The following PLD5 variants were observed in gnomAD, a reference collection of about 807,000 sequenced individuals.
The protein encoded by PLD5 is phospholipase D family member 5.
A neutral mutation model predicts 61.1 loss-of-function variants in PLD5; 36 were observed. The ratio of observed to expected loss-of-function variants is 0.59; its 90% CI spans 0.45 to 0.78. PLD5 has a LOEUF of 0.78. Among genes scored for constraint, PLD5 ranks in the 30% least tolerant of loss-of-function variants. PLD5 has a pLI of 0.00. For missense variants in PLD5, 515 were observed against 644.4 expected (o/e 0.80, Z 2.17); for synonymous variants, 243 against 242.8 (o/e 1.00, Z -0.01).
chr1:242,347,445 G>A (rs1258801220), intron 2 of PLD5, among the ~76,000 whole-genome samples: 2 of 151,914 alleles, frequency 1.3e-5, no homozygotes, highest in South Asian at 2.1e-4. Flanking sequence ...CACCCTCCCC[G>A]AACCTGAAAA....
intron 5 of PLD5, among the ~76,000 whole-genome samples, chr1:242,155,326 G>A (rs1371685997): frequency 6.6e-6 from 1 of 152,122 alleles, no homozygotes; most frequent in Non-Finnish European, 1.5e-5. Context: ...TTTATTTGAA[G>A]AGTTTTTCGT....
rs530944918 is a variant in PLD5, at chr1:242,163,289, G to A, written c.736-38624C>T. On this transcript the variant is annotated intron_variant, in intron 5 of 9. Transcript: ENST00000536534. ...CTCCCGAGTAGCTGGGACTACAGGC[G>A]CCCGCCACCACGCCCGGCTAATTTT... Among the ~76,000 whole-genome samples, 1,160 of 151,878 alleles carry A rather than the reference G, an allele frequency of 7.6e-3. 14 individuals are homozygous for A. The highest frequency in any genetic ancestry group is 0.023 in the African/African-American group (939 of 41,354).
intron 1 of PLD5, among the ~76,000 whole-genome samples, chr1:242,520,853 C>T (rs1010022485): frequency 1.3e-5 from 2 of 152,176 alleles, no homozygotes; most frequent in Non-Finnish European, 2.9e-5. Flanking sequence ...GAAGTAGTCC[C>T]TTGCTCCTCT....
At chr1:242,309,913 C>A (rs1362043985) in intron 2 of PLD5, among the ~76,000 whole-genome samples, 2 of 148,220 alleles carry the variant, frequency 1.3e-5, no homozygotes, top group East Asian at 3.9e-4. Flanking sequence ...TGGAGAAAGT[C>A]AAAAAGAACA....
intron 4 of PLD5, among the ~76,000 whole-genome samples, chr1:242,257,725 A>C (rs1359960008): frequency 6.6e-6 from 1 of 152,218 alleles, no homozygotes; most frequent in Non-Finnish European, 1.5e-5. Flanking sequence ...AACATGTTGC[A>C]CATGATAAAT....
At chr1:242,298,610 G>A (rs1282725467) in intron 2 of PLD5, among the ~76,000 whole-genome samples, 1 of 152,192 alleles carries the variant, frequency 6.6e-6, no homozygotes, top group Non-Finnish European at 1.5e-5. Flanking sequence ...ACTAAGCAGA[G>A]TGATTTTGAA....
intron 2 of PLD5, among the ~76,000 whole-genome samples, chr1:242,316,392 A>G (rs1438530774): frequency 2.0e-5 from 3 of 152,094 alleles, no homozygotes; most frequent in African/African-American, 4.8e-5. Flanking sequence ...AGGGCCCTCC[A>G]CTATTGCAGG....
chr1:242,091,251 C>T (rs1659801259), intron 9 of PLD5, among the ~76,000 whole-genome samples: 1 of 152,164 alleles, frequency 6.6e-6, no homozygotes, highest in Non-Finnish European at 1.5e-5. Context: ...AGGACTTCAA[C>T]ATATGAATTT....
At chr1:242,182,874 A>C (rs138809195) in intron 5 of PLD5, among the ~76,000 whole-genome samples, 27 of 152,258 alleles carry the variant, frequency 1.8e-4, no homozygotes, top group South Asian at 1.0e-3. Flanking sequence ...AAATAAAAAT[A>C]AAAAAGCCAA....
intron 8 of PLD5, among the ~76,000 whole-genome samples, chr1:242,102,767 A>G (rs1660780474): frequency 6.6e-6 from 1 of 152,214 alleles, no homozygotes; most frequent in Non-Finnish European, 1.5e-5. Context: ...CTTCTTGCCC[A>G]TCTAGGCTTG....
intron 5 of PLD5, among the ~76,000 whole-genome samples, chr1:242,204,507 A>T (rs1669198340): frequency 6.6e-6 from 1 of 152,050 alleles, no homozygotes. Flanking sequence ...ACTTAGGGAG[A>T]TTTATGAAAT....
intron 1 of PLD5, among the ~76,000 whole-genome samples, chr1:242,511,723 A>T (rs148894511): frequency 6.6e-6 from 1 of 152,342 alleles, no homozygotes; most frequent in East Asian, 1.9e-4. Context: ...GACCAGGGAC[A>T]CACAGCAACT....
At chr1:242,388,295 C>T (rs776498388) in intron 1 of PLD5, among the ~76,000 whole-genome samples, 13 of 152,108 alleles carry the variant, frequency 8.5e-5, no homozygotes, top group Non-Finnish European at 1.6e-4. Flanking sequence ...ATGGCTGTGC[C>T]GTGATGAGCA....
chr1:242,445,794 A>C (rs1415435671), intron 1 of PLD5, among the ~76,000 whole-genome samples: 1 of 150,058 alleles, frequency 6.7e-6, no homozygotes. Context: ...GCTTGCTTCA[A>C]ATGCCAGGGT....
chr1:242,371,362 G>A (rs1478028364), intron 1 of PLD5, among the ~76,000 whole-genome samples: 1 of 151,946 alleles, frequency 6.6e-6, no homozygotes, highest in African/African-American at 2.4e-5. Flanking sequence ...CTCTGCTTGG[G>A]TGCTACAAGC....
intron 3 of PLD5, among the ~76,000 whole-genome samples, chr1:242,267,137 C>CA (rs140341129): frequency 0.24 from 23,767 of 100,782 alleles, 3,863 homozygotes; most frequent in East Asian, 0.62. Flanking sequence ...AATAAAAAAA[C>CA]AAAAAAAAAA....
intron 5 of PLD5, 94 bp downstream of exon 5, chr1:242,219,893 AG>A (rs1420924569): frequency 4.2e-6 from 6 of 1,436,882 alleles, no homozygotes; most frequent in Middle Eastern, 1.8e-4. Flanking sequence ...TAAATGCTGT[AG>A]GTTTTAGGAT....
intron 1 of PLD5, among the ~76,000 whole-genome samples, chr1:242,469,865 A>G (rs1667386231): frequency 6.6e-6 from 1 of 152,170 alleles, no homozygotes; most frequent in South Asian, 2.1e-4. Flanking sequence ...AGCTGAAAAC[A>G]GGACTCATAA....
At chr1:242,309,108 T>C (rs1329798216) in intron 2 of PLD5, among the ~76,000 whole-genome samples, 1 of 152,076 alleles carries the variant, frequency 6.6e-6, no homozygotes, top group African/African-American at 2.4e-5. Context: ...AAGTGGAACC[T>C]TGAATGGAGG....
Sources: allele counts gnomAD v4.1 joint callset (sites outside exome capture counted in the v4.1 genomes callset), GRCh38; gene constraint gnomAD v4.1.1; transcripts MANE v1.5; gene names NCBI Gene and HGNC (gene_info 2026-07-23, HGNC 2026-07-21).